The following GRID2 variants were observed in gnomAD, a reference collection of about 807,000 sequenced individuals.
GRID2 encodes glutamate receptor ionotropic, delta-2.
A neutral mutation model predicts 114.8 loss-of-function variants in GRID2; 33 were observed. That is an observed-to-expected ratio of 0.29 (90% CI 0.22 to 0.38). The LOEUF is 0.38. GRID2 is among the 10% of genes least tolerant of loss of function. The pLI is 1.00. For missense variants in GRID2, 1,184 were observed against 1,257.7 expected, an observed-to-expected ratio of 0.94 and a Z score of 0.89; for synonymous variants, 505 against 449.9, an observed-to-expected ratio of 1.12 and a Z score of -1.55.
chr4:92,653,052 CTCCAG>C (rs1292426442), intron 2 of GRID2, among the ~76,000 whole-genome samples: 10 of 146,992 alleles, frequency 6.8e-5, no homozygotes, highest in Non-Finnish European at 1.5e-4. Flanking sequence ...CACTCTGTCA[CTCCAG>C]TCCAGTGGCA....
rs1444988057 is a variant in GRID2, at chr4:92,600,056, A to G, written c.244+9770A>G. Among the ~76,000 whole-genome samples, 318 of 118,300 alleles carry G rather than the reference A, an allele frequency of 2.7e-3. 1 individual carries two copies. Among genetic ancestry groups the G allele is most frequent in the African/African-American group, 7.8e-3 (224 of 28,602 alleles). 77.6% of individuals were successfully genotyped at this position (118,300 alleles called of 152,430 possible). A position where few individuals can be genotyped will look rare whatever the true frequency, so the allele number is the denominator to read the frequency against. The stretch of plus-strand genomic sequence containing the variant: ...TGTGTGTGTGTGTGTATATATATAT[A>G]TATATATATATATATATATATATAT... On this transcript the variant is annotated intron_variant, in intron 2 of 15. Transcript: ENST00000282020.
At chr4:93,661,375 C>T (rs1418953341) in intron 14 of GRID2, among the ~76,000 whole-genome samples, 4 of 152,018 alleles carry the variant, frequency 2.6e-5, no homozygotes, top group South Asian at 2.1e-4. Flanking sequence ...TTTGCATTTT[C>T]GTGCTTTCTT....
chr4:92,643,622 G>A (rs933197632), intron 2 of GRID2, among the ~76,000 whole-genome samples: 3 of 151,632 alleles, frequency 2.0e-5, no homozygotes, highest in Non-Finnish European at 4.4e-5. Flanking sequence ...AATACAGTTA[G>A]CCAGCTAATT....
chr4:93,769,437 T>C lies in GRID2; in HGVS notation c.2588T>C (p.Val863Ala). 1.9e-6 allele frequency: 3 copies of C among 1,612,186 alleles called. No homozygotes were observed. Among genetic ancestry groups the C allele is most frequent in the Non-Finnish European group, 1.7e-6 (2 of 1,178,446 alleles). The change falls in exon 15 of 16, where the codon GTT (valine) becomes GCT (alanine). Residue 863 changes from valine (V) to alanine (A), a missense_variant. By Grantham distance (64) the Val-to-Ala change is moderately conservative. Around this residue, in one of 3 missense-constraint regions of GRID2, gnomAD observed 717 missense variants for 796.9 expected, o/e 0.90. Transcript: ENST00000282020. ...TWWNKRKGSR[V>A]PSKEDDKEID... ...TGGAACAAGAGGAAAGGCTCCCGGG[T>C]TCCATCAAAAGAGGTACTTGATTGA...
At chr4:93,520,681 T>C (rs1461442452) in intron 13 of GRID2, among the ~76,000 whole-genome samples, 1 of 152,060 alleles carries the variant, frequency 6.6e-6, no homozygotes, top group Non-Finnish European at 1.5e-5. Context: ...AGGCTGATGC[T>C]TGGGCCCCAC....
intron 1 of GRID2, among the ~76,000 whole-genome samples, chr4:92,369,714 T>C (rs1729030985): frequency 6.6e-6 from 1 of 152,196 alleles, no homozygotes; most frequent in Non-Finnish European, 1.5e-5. Context: ...TCTTGGAAAG[T>C]TGTAGATTCT....
rs182178065 is a variant in GRID2, at chr4:93,256,678, A to G, written c.1245+18188A>G. 1.2e-4 allele frequency among the ~76,000 whole-genome samples: 19 copies of G among 152,114 alleles called. No individual in the cohort carries two copies. In the East Asian group the frequency reaches 2.7e-3, roughly 22 times the overall value. ...AATAGAGATAATATAAATATGATAG[A>G]TGATATGGATATAGACATCATCCAC... On this transcript the variant is annotated intron_variant, in intron 8 of 15. Transcript: ENST00000282020.
chr4:92,315,993 C>CAAAAAAAAAAAAAAAAAAA (rs778361565), intron 1 of GRID2, among the ~76,000 whole-genome samples: 7 of 61,914 alleles, frequency 1.1e-4, no homozygotes, highest in East Asian at 5.0e-4. Context: ...AAACAAAAAG[C>CAAAAAAAAAAAAAAAAAAA]AAAAAAAAAA....
At chr4:92,609,010 T>C (rs1042121025) in intron 2 of GRID2, among the ~76,000 whole-genome samples, 3 of 151,814 alleles carry the variant, frequency 2.0e-5, no homozygotes, top group African/African-American at 7.2e-5. Flanking sequence ...TAAATAACAT[T>C]AATATAGATG....
At chr4:92,664,598 T>C (rs1732678640) in intron 2 of GRID2, among the ~76,000 whole-genome samples, 1 of 151,186 alleles carries the variant, frequency 6.6e-6, no homozygotes. Flanking sequence ...TCCTTACTTA[T>C]CTTCTGTCTG....
chr4:93,439,411 T>G (rs1721415487), intron 10 of GRID2, among the ~76,000 whole-genome samples: 1 of 152,048 alleles, frequency 6.6e-6, no homozygotes, highest in South Asian at 2.1e-4. Context: ...AAAAGCAGAT[T>G]GGAAAAGGGC....
intron 12 of GRID2, among the ~76,000 whole-genome samples, chr4:93,513,957 G>C (rs1224924999): frequency 3.3e-5 from 5 of 152,120 alleles, no homozygotes; most frequent in Non-Finnish European, 5.9e-5. Flanking sequence ...CAGACCAAAA[G>C]ATCAGAGATA....
intron 1 of GRID2, among the ~76,000 whole-genome samples, chr4:92,414,187 G>A (rs1450216133): frequency 2.0e-5 from 3 of 152,076 alleles, no homozygotes; most frequent in Non-Finnish European, 1.5e-5. Context: ...ATAGCTAGTG[G>A]GAAGCTAACA....
At chr4:92,974,311 AT>A (rs1753713958) in intron 2 of GRID2, among the ~76,000 whole-genome samples, 1 of 152,124 alleles carries the variant, frequency 6.6e-6, no homozygotes, top group East Asian at 1.9e-4. Flanking sequence ...TAGAAATACC[AT>A]TTGACCCAGC....
intron 8 of GRID2, among the ~76,000 whole-genome samples, chr4:93,331,872 G>A (rs909350090): frequency 3.9e-5 from 6 of 151,906 alleles, no homozygotes. Flanking sequence ...TTTTTTTCTG[G>A]TCAGTTCTTC....
At chr4:92,871,589 C>A (rs1175817430) in intron 2 of GRID2, among the ~76,000 whole-genome samples, 1 of 152,170 alleles carries the variant, frequency 6.6e-6, no homozygotes, top group East Asian at 1.9e-4. Flanking sequence ...AGAGTACTGA[C>A]ACTCATGAGT....
At chr4:92,346,027 G>A (rs1191023857) in intron 1 of GRID2, among the ~76,000 whole-genome samples, 1 of 152,162 alleles carries the variant, frequency 6.6e-6, no homozygotes, top group Non-Finnish European at 1.5e-5. Context: ...GTGTCAAAAA[G>A]CATAATCTGA....
intron 8 of GRID2, among the ~76,000 whole-genome samples, chr4:93,260,729 A>G (rs1645240514): frequency 6.6e-6 from 1 of 151,832 alleles, no homozygotes; most frequent in Non-Finnish European, 1.5e-5. Flanking sequence ...CAACAGGCCA[A>G]TCACAGGATG....
At chr4:93,597,185 C>T (rs1439536713) in intron 13 of GRID2, among the ~76,000 whole-genome samples, 2 of 152,126 alleles carry the variant, frequency 1.3e-5, no homozygotes, top group Non-Finnish European at 2.9e-5. Flanking sequence ...ACAATAACAA[C>T]AAACAATAAG....
Sources: gnomAD v4.1 joint callset for allele counts (sites outside exome capture counted in the v4.1 genomes callset) on GRCh38, gnomAD v4.1.1 for gene constraint, gnomAD v4.1.1 regional missense constraint, MANE v1.5 for transcripts, NCBI Gene and HGNC (gene_info 2026-07-23, HGNC 2026-07-21) for gene names.